RBMS3: variants seen among roughly 807,000 people sequenced by gnomAD.
RBMS3 encodes RNA-binding motif, single-stranded-interacting protein 3.
Under a neutral mutation model 66.8 loss-of-function variants are expected in RBMS3, and 27 were observed. The observed-to-expected ratio is 0.40, with a 90% CI of 0.30 to 0.56. RBMS3 has a LOEUF of 0.56. RBMS3 is among the 20% of genes least tolerant of loss of function. The pLI, the probability that RBMS3 is intolerant of heterozygous loss-of-function variation, is 0.40. For synonymous variants in RBMS3, 188 were observed against 183.0 expected, an observed-to-expected ratio of 1.03 and a Z score of -0.22; for missense variants, 513 against 549.5, an observed-to-expected ratio of 0.93 and a Z score of 0.66.
chr3:29,964,137 CTA>C (rs1696669431), intron 12 of RBMS3, among the ~76,000 whole-genome samples: 1 of 152,238 alleles, frequency 6.6e-6, no homozygotes, highest in African/African-American at 2.4e-5. Flanking sequence ...TCAGATCTTC[CTA>C]TACTTTGTTG....
chr3:29,677,032 C>T (rs2051286698), intron 4 of RBMS3, among the ~76,000 whole-genome samples: 1 of 152,084 alleles, frequency 6.6e-6, no homozygotes, highest in African/African-American at 2.4e-5. Flanking sequence ...GAAGGCAAAG[C>T]AGAAGCAGGC....
intron 14 of RBMS3, among the ~76,000 whole-genome samples, chr3:29,998,221 C>A (rs1699379590): frequency 6.6e-6 from 1 of 152,056 alleles, no homozygotes; most frequent in Admixed American, 6.6e-5. Flanking sequence ...ATGTGAAGGA[C>A]CTCTTCAAGG....
intron 1 of RBMS3, among the ~76,000 whole-genome samples, chr3:29,293,385 G>C (rs1015578491): frequency 7.2e-5 from 11 of 151,894 alleles, no homozygotes; most frequent in Admixed American, 4.6e-4. Context: ...TATTAAACAA[G>C]AGTGAAGTTT....
intron 3 of RBMS3, among the ~76,000 whole-genome samples, chr3:29,538,927 G>A (rs1576163709): frequency 6.6e-6 from 1 of 152,144 alleles, no homozygotes; most frequent in African/African-American, 2.4e-5. Flanking sequence ...ATATGTAAAA[G>A]AGCTAAGGTT....
At chr3:29,605,896 A>T (rs958897660) in intron 4 of RBMS3, among the ~76,000 whole-genome samples, 3 of 151,632 alleles carry the variant, frequency 2.0e-5, no homozygotes, top group Non-Finnish European at 4.4e-5. Context: ...CAGATATAGC[A>T]GTTTGACCTT....
At chr3:29,550,591 A>T (rs1019870025) in intron 3 of RBMS3, among the ~76,000 whole-genome samples, 29 of 152,164 alleles carry the variant, frequency 1.9e-4, no homozygotes, top group Admixed American at 4.6e-4. Flanking sequence ...TTTATAATAC[A>T]GTGTAATATA....
intron 2 of RBMS3, among the ~76,000 whole-genome samples, chr3:29,467,361 T>G (rs148296720): frequency 6.6e-6 from 1 of 152,288 alleles, no homozygotes; most frequent in East Asian, 1.9e-4. Context: ...CAAAATTAAT[T>G]TCTCCTTGTA....
chr3:29,512,818 C>T (rs2044467991), intron 3 of RBMS3, among the ~76,000 whole-genome samples: 1 of 152,128 alleles, frequency 6.6e-6, no homozygotes, highest in Non-Finnish European at 1.5e-5. Flanking sequence ...ATTTAGAATG[C>T]ATATATATGA....
rs71091082 is a variant in RBMS3, at chr3:29,930,109, C to CTTTCTTTCTT, written c.940-5974_940-5973insCTTTCTTTTT. ...TACTTTGTGTCACTTTTCTTTCTTT[C>CTTTCTTTCTT]TTTTTTTTTTTTTTTTTTTTGAGAT... On this transcript the variant is annotated intron_variant, in intron 10 of 14. Transcript: ENST00000383767. 3.4e-4 allele frequency among the ~76,000 whole-genome samples: 15 copies of CTTTCTTTCTT among 43,568 alleles called. 4 individuals are homozygous for CTTTCTTTCTT. Among genetic ancestry groups the CTTTCTTTCTT allele is most frequent in the East Asian group, 1.6e-3 (2 of 1,286 alleles). The allele number at this position is 43,568 out of a possible 152,430, so 28.6% of individuals were successfully genotyped here.
chr3:29,415,853 A>G (rs2040456860), intron 1 of RBMS3, among the ~76,000 whole-genome samples: 1 of 152,152 alleles, frequency 6.6e-6, no homozygotes. Context: ...GCTGAGTTCA[A>G]GTGAATATTC....
intron 2 of RBMS3, among the ~76,000 whole-genome samples, chr3:29,438,663 G>A (rs745600623): frequency 6.6e-6 from 1 of 152,144 alleles, no homozygotes; most frequent in African/African-American, 2.4e-5. Context: ...TATACTGTGC[G>A]TAGCGTAGAA....
At chr3:29,941,165 TCCACAGTGTAA>T (rs1156723526) in intron 11 of RBMS3, among the ~76,000 whole-genome samples, 1 of 151,848 alleles carries the variant, frequency 6.6e-6, no homozygotes, top group East Asian at 1.9e-4. Context: ...ATCATCGATT[TCCACAGTGTAA>T]CCATAGTCAC....
intron 5 of RBMS3, among the ~76,000 whole-genome samples, chr3:29,747,334 T>G (rs1375317763): frequency 6.6e-6 from 1 of 152,110 alleles, no homozygotes; most frequent in African/African-American, 2.4e-5. Context: ...ATAAACTCTC[T>G]GAGCCTCTTT....
chr3:29,552,445 C>T (rs1244373804), intron 3 of RBMS3, among the ~76,000 whole-genome samples: 2 of 152,144 alleles, frequency 1.3e-5, no homozygotes, highest in African/African-American at 2.4e-5. Context: ...CAGCCTGACT[C>T]TGAAAATGGC....
At chr3:29,360,396 A>G (rs2037503148) in intron 1 of RBMS3, among the ~76,000 whole-genome samples, 1 of 151,972 alleles carries the variant, frequency 6.6e-6, no homozygotes, top group Admixed American at 6.5e-5. Flanking sequence ...ATTTGATTGC[A>G]CTGTGGTCTG....
chr3:29,432,963 A>C (rs2041264217), intron 1 of RBMS3, among the ~76,000 whole-genome samples: 1 of 152,164 alleles, frequency 6.6e-6, no homozygotes, highest in Non-Finnish European at 1.5e-5. Context: ...CTACATACAA[A>C]GTTTAGCTGT....
At chr3:29,847,070 T>C (rs1301974055) in intron 6 of RBMS3, among the ~76,000 whole-genome samples, 2 of 152,188 alleles carry the variant, frequency 1.3e-5, no homozygotes, top group African/African-American at 4.8e-5. Context: ...AGTAAATACA[T>C]TTGTCATTTC....
At chr3:29,392,011 A>T (rs2039321040) in intron 1 of RBMS3, among the ~76,000 whole-genome samples, 1 of 152,136 alleles carries the variant, frequency 6.6e-6, no homozygotes, top group Non-Finnish European at 1.5e-5. Flanking sequence ...GCACTTTGGG[A>T]GGTCGAGGAG....
chr3:29,366,660 C>T (rs1416289598), intron 1 of RBMS3, among the ~76,000 whole-genome samples: 1 of 152,100 alleles, frequency 6.6e-6, no homozygotes, highest in Non-Finnish European at 1.5e-5. Context: ...TAGGCATGAG[C>T]CACCACACCT....
Sources: gnomAD v4.1 joint callset for allele counts (sites outside exome capture counted in the v4.1 genomes callset) on GRCh38, gnomAD v4.1.1 for gene constraint, MANE v1.5 for transcripts, NCBI Gene and HGNC (gene_info 2026-07-23, HGNC 2026-07-21) for gene names.